ATR: variants seen among roughly 807,000 people sequenced by gnomAD.
The protein encoded by ATR is ATR checkpoint kinase.
A neutral mutation model predicts 305.3 loss-of-function variants in ATR; 142 were observed. The observed-to-expected ratio is 0.47, with a 90% CI of 0.41 to 0.53. The LOEUF is 0.53. ATR is among the 20% of genes least tolerant of loss of function. The pLI is 0.00. For missense variants in ATR, 2,135 were observed against 3,133.1 expected, an observed-to-expected ratio of 0.68 and a Z score of 7.60; for synonymous variants, 1,050 against 1,068.1, an observed-to-expected ratio of 0.98 and a Z score of 0.33.
rs2108380019 is a variant in ATR at position 142,515,447 on chromosome 3, C to T, written c.4451G>A (p.Gly1484Asp). 1 of 1,613,618 alleles carries T rather than the reference C, an allele frequency of 6.2e-7. No individual in the cohort carries two copies. Among genetic ancestry groups the T allele is most frequent in the Non-Finnish European group, 8.5e-7 (1 of 1,179,672 alleles). The stretch of plus-strand genomic sequence containing the variant: ...TGCTGACCATTCTGCAAAGTTACTA[C>T]CCAATTTACTTAAGTAAATTGGCTT... ...VKKPIYLSKLGSNFAEWSASW... is the reference protein window; with the variant it reads ...VKKPIYLSKLDSNFAEWSASW... Residue 1484 changes from glycine to aspartate, a missense_variant, in exon 25 of 47, where the codon GGT becomes GAT. Physicochemically the swap from Gly to Asp is moderately conservative, Grantham distance 94. Transcript: ENST00000350721.
rs549212432 is a variant in ATR, at chr3:142,519,582, G to A, written c.4382+87C>T. 149 of 1,074,584 alleles carry A rather than the reference G, an allele frequency of 1.4e-4. 1 individual carries two copies. The South Asian group carries it at 1.9e-3, about 13-fold the overall frequency. The allele number at this position is 1,074,584 out of a possible 1,614,324, so 66.6% of individuals were successfully genotyped here. The stretch of plus-strand genomic sequence containing the variant: ...CCCAAAGTGCTGGGATTACAGGCGT[G>A]AGCCACTGCACCCGGCCAAAAAAAT... On this transcript the variant is annotated intron_variant, in intron 24 of 46. Transcript: ENST00000350721.
intron 36 of ATR, among the ~76,000 whole-genome samples, chr3:142,484,344 G>A (rs2030763004): frequency 1.3e-5 from 2 of 152,098 alleles, no homozygotes; most frequent in South Asian, 4.1e-4. Flanking sequence ...ATGTAATAAA[G>A]ACTCCATTAA....
chr3:142,450,907 A>T, intron 46 of ATR: 1 of 1,253,854 alleles, frequency 8.0e-7, no homozygotes. Flanking sequence ...TGGTGAAAAT[A>T]GCAGCTCACC....
At chr3:142,567,442 G>T (rs142256129) in intron 2 of ATR, among the ~76,000 whole-genome samples, 21 of 152,224 alleles carry the variant, frequency 1.4e-4, no homozygotes, top group African/African-American at 4.6e-4. Context: ...GAAAAAGAAA[G>T]GATTAATGGC....
intron 36 of ATR, among the ~76,000 whole-genome samples, chr3:142,470,609 C>T (rs2071238798): frequency 6.6e-6 from 1 of 152,094 alleles, no homozygotes; most frequent in Admixed American, 6.6e-5. Context: ...AAATTCCAGA[C>T]TAACATTCCT....
Position 142,578,562 on chromosome 3 carries a change from C to A in ATR, c.59+84G>T, listed in dbSNP as rs534162945. ...GGGGCTTAGGGGATCCCAGCCATAG[C>A]GCAGCAGGGGAGGGGAGAGCACGTG... On this transcript the variant is annotated intron_variant, in intron 1 of 46. Transcript: ENST00000350721. 489 of 1,454,374 alleles carry A rather than the reference C, an allele frequency of 3.4e-4. No individual in the cohort carries two copies. The African/African-American group carries it at 5.1e-3, about 15-fold the overall frequency. 90.1% of individuals were successfully genotyped at this position (1,454,374 alleles called of 1,614,324 possible).
At chr3:142,571,237 G>A (rs2035248195) in intron 1 of ATR, among the ~76,000 whole-genome samples, 1 of 152,124 alleles carries the variant, frequency 6.6e-6, no homozygotes, top group African/African-American at 2.4e-5. Context: ...GGAGGCTAAG[G>A]CAGGCGGATC....
chr3:142,496,429 G>A lies in ATR; in HGVS notation c.5830C>T (p.Leu1944Phe). The part of the protein sequence containing the change: ...AGHHQTAYNA[L>F]LNAGESRLAE... ...AGTCGTGATTCCCCTGCATTAAGGA[G>A]AGCATTGTAGGCTGTCTGGTGGTGA... Residue 1944 changes from leucine to phenylalanine, a missense_variant, in exon 34 of 47, where the codon CTC becomes TTC. Around this residue, in one of 9 missense-constraint regions of ATR, gnomAD observed 462 missense variants for 887.6 expected, o/e 0.52. Coordinates refer to ENST00000350721, the MANE Select transcript of ATR (RefSeq NM_001184.4). The A allele has an allele frequency of 6.2e-7, 1 of 1,610,688 alleles. No individual in the cohort carries two copies. Among genetic ancestry groups the A allele is most frequent in the Non-Finnish European group, 8.5e-7 (1 of 1,179,102 alleles).
intron 1 of ATR, among the ~76,000 whole-genome samples, chr3:142,577,441 C>T (rs2035476616): frequency 6.6e-6 from 1 of 152,178 alleles, no homozygotes; most frequent in Non-Finnish European, 1.5e-5. Context: ...TCTTCCTCTT[C>T]TTTTAGAGAG....
intron 46 of ATR, chr3:142,451,029 C>T (rs777490342): frequency 1.6e-6 from 2 of 1,263,780 alleles, no homozygotes; most frequent in Non-Finnish European, 2.0e-6. Context: ...TTAAGAGACA[C>T]CAGTGAATAT....
chr3:142,577,837 T>C (rs951070788), intron 1 of ATR, among the ~76,000 whole-genome samples: 2 of 152,260 alleles, frequency 1.3e-5, no homozygotes, highest in African/African-American at 4.8e-5. Flanking sequence ...ACCGAGTCTT[T>C]AGGCCTGGTT....
At chr3:142,559,057 T>G in intron 7 of ATR, 194 bp downstream of exon 7, 2 of 666,144 alleles carry the variant, frequency 3.0e-6, no homozygotes, top group East Asian at 5.6e-5. Context: ...TTCTATTGAC[T>G]AAAGAATCAA....
chr3:142,515,482 A>G lies in ATR; in HGVS notation c.4416T>C (p.Ser1472=). 3 of 1,612,524 alleles carry G rather than the reference A, an allele frequency of 1.9e-6. No individual in the cohort carries two copies. The highest frequency in any genetic ancestry group is 2.2e-5 in the South Asian group (2 of 91,056). The change falls in exon 25 of 47, where the codon TCT becomes TCC. Residue 1472 remains serine, a synonymous_variant. Transcript: ENST00000350721. ...TTAAGTAAATTGGCTTCTTTACTCC[A>G]GACCAATCGGTTGACTTCTGAGAAC... is the stretch of plus-strand genomic sequence containing the variant. The part of the protein sequence containing the change: ...YKSSQKSTDW[S]GVKKPIYLSK...
chr3:142,578,292 A>G (rs1577730967), intron 1 of ATR, among the ~76,000 whole-genome samples: 1 of 152,200 alleles, frequency 6.6e-6, no homozygotes, highest in African/African-American at 2.4e-5. Context: ...CTAAGGAAAA[A>G]GATTTTCGAG....
intron 46 of ATR, chr3:142,450,521 A>G (rs1207892889): frequency 3.1e-6 from 5 of 1,605,658 alleles, no homozygotes; most frequent in South Asian, 2.2e-5. Flanking sequence ...GCTATTTCTC[A>G]TATCCAGAAA....
intron 41 of ATR, among the ~76,000 whole-genome samples, chr3:142,462,977 G>C (rs1331984631): frequency 6.6e-6 from 1 of 152,094 alleles, no homozygotes; most frequent in Non-Finnish European, 1.5e-5. Flanking sequence ...TATGAAGTAA[G>C]CACACATCTG....
rs2108371879 is a variant in ATR at position 142,512,371 on chromosome 3, C to G, written c.4741G>C (p.Val1581Leu). The change falls in exon 27 of 47, where the codon GTG (valine) becomes CTG (leucine). Residue 1581 changes from valine (V) to leucine (L), a missense_variant. By Grantham distance (32) the Val-to-Leu change is conservative. Around this residue, in one of 9 missense-constraint regions of ATR, gnomAD observed 202 missense variants for 252.9 expected, o/e 0.80. Transcript: ENST00000350721. ...SDLCQLSTQT[V>L]FSMLDHLTQW... The stretch of plus-strand genomic sequence containing the variant: ...GTGAGATGGTCAAGCATGGAGAACA[C>G]AGTCTGTGTACTGAGTTGACACAGA... 6.2e-7 allele frequency: 1 copy of G among 1,613,900 alleles called. No homozygotes were observed. The highest frequency in any genetic ancestry group is 8.5e-7 in the Non-Finnish European group (1 of 1,179,846).
At chr3:142,489,194 T>C (rs1000454551) in intron 35 of ATR, among the ~76,000 whole-genome samples, 1 of 151,874 alleles carries the variant, frequency 6.6e-6, no homozygotes, top group African/African-American at 2.4e-5. Context: ...ATTAGCTGGG[T>C]GTGGTGGCAT....
intron 15 of ATR, among the ~76,000 whole-genome samples, chr3:142,549,269 C>G (rs2034390359): frequency 6.6e-6 from 1 of 152,036 alleles, no homozygotes; most frequent in African/African-American, 2.4e-5. Flanking sequence ...CCTATCATAT[C>G]CCATTATGGT....
Sources: allele counts gnomAD v4.1 joint callset (sites outside exome capture counted in the v4.1 genomes callset), GRCh38; gene constraint gnomAD v4.1.1; regional missense constraint gnomAD v4.1.1; transcripts MANE v1.5; gene names NCBI Gene and HGNC (gene_info 2026-07-23, HGNC 2026-07-21).